PPFIA1: variants seen among roughly 807,000 people sequenced by gnomAD.
PPFIA1 encodes the protein liprin-alpha-1.
Under a neutral mutation model 149.9 loss-of-function variants are expected in PPFIA1, and 25 were observed. The observed-to-expected ratio is 0.17, with a 90% confidence interval of 0.12 to 0.23. The LOEUF (loss-of-function observed/expected upper bound fraction) is 0.23. Among genes scored for constraint, PPFIA1 ranks in the 10% least tolerant of loss-of-function variants. PPFIA1 has a pLI of 1.00. For missense variants in PPFIA1, 1,362 were observed against 1,506.5 expected, an observed-to-expected ratio of 0.90 and a Z score of 1.59; for synonymous variants, 549 against 552.8, an observed-to-expected ratio of 0.99 and a Z score of 0.10.
chr11:70,363,590 T>C (rs2056772092), intron 21 of PPFIA1, among the ~76,000 whole-genome samples: 1 of 152,162 alleles, frequency 6.6e-6, no homozygotes, highest in African/African-American at 2.4e-5. Context: ...CGTAGCTCAC[T>C]GCAGCCTCAA....
chr11:70,325,607 G>T lies in PPFIA1; in HGVS notation c.606+33G>T, dbSNP rs774615111. On this transcript the variant is annotated intron_variant, in intron 5 of 27. Coordinates refer to ENST00000253925, the MANE Select transcript of PPFIA1 (RefSeq NM_003626.5). ...TGAGACTTCATCATGAGTTGAATTG[G>T]GGGGGGGTTATTTTTATCCTTTAAT... 52 of 1,438,848 alleles carry T rather than the reference G, an allele frequency of 3.6e-5. No homozygotes were observed. The Admixed American group carries it at 4.2e-4, about 12-fold the overall frequency. 89.1% of individuals were successfully genotyped at this position (1,438,848 alleles called of 1,614,324 possible). A position where few individuals can be genotyped will look rare whatever the true frequency, so the allele number is the denominator to read the frequency against.
intron 2 of PPFIA1, among the ~76,000 whole-genome samples, chr11:70,301,083 G>A (rs892558930): frequency 5.3e-4 from 81 of 152,318 alleles, no homozygotes; most frequent in African/African-American, 1.9e-3. Flanking sequence ...ATACCTGTTA[G>A]AAGTTTTGGG....
intron 21 of PPFIA1, chr11:70,371,367 G>A: frequency 1.6e-5 from 1 of 62,730 alleles, no homozygotes; most frequent in African/African-American, 5.4e-5. Flanking sequence ...TCTGTTGTTG[G>A]GTAGAGTGTT....
intron 16 of PPFIA1, among the ~76,000 whole-genome samples, chr11:70,349,387 T>C (rs1231133871): frequency 6.6e-6 from 1 of 152,092 alleles, no homozygotes; most frequent in Non-Finnish European, 1.5e-5. Flanking sequence ...CCCAGCACTT[T>C]GGAGAGGCCA....
At chr11:70,311,434 G>A (rs1253240057) in intron 2 of PPFIA1, among the ~76,000 whole-genome samples, 2 of 152,170 alleles carry the variant, frequency 1.3e-5, no homozygotes, top group Non-Finnish European at 2.9e-5. Context: ...GCACACAACT[G>A]CTTTCTTCAA....
chr11:70,374,956 A>G lies in PPFIA1; in HGVS notation c.3178A>G (p.Ile1060Val), dbSNP rs761181753. The G allele has an allele frequency of 6.2e-7, 1 of 1,613,214 alleles. No homozygotes were observed. The highest frequency in any genetic ancestry group is 8.5e-7 in the Non-Finnish European group (1 of 1,179,778). The change falls in exon 24 of 28, where the codon ATC (isoleucine) becomes GTC (valine). Residue 1060 changes from isoleucine to valine, a missense_variant. Ile to Val is a conservative substitution (Grantham distance 29). Around this residue, in one of 7 missense-constraint regions of PPFIA1, gnomAD observed 349 missense variants for 373.3 expected, o/e 0.93. Transcript: ENST00000253925. ...GAGCAATGATCGAGTGATTCGCTGGATCCTGTCAATTGGCCTTAAAGAATA... is the reference window on the plus strand; with the variant it reads ...GAGCAATGATCGAGTGATTCGCTGGGTCCTGTCAATTGGCCTTAAAGAATA... ...VWSNDRVIRW[I>V]LSIGLKEYAN...
chr11:70,285,467 G>A (rs1033231253), intron 2 of PPFIA1, among the ~76,000 whole-genome samples: 1 of 151,968 alleles, frequency 6.6e-6, no homozygotes, highest in African/African-American at 2.4e-5. Flanking sequence ...AGATCACGAG[G>A]TCAGGAGTTC....
chr11:70,289,402 CTGATGATTTTGATTTCTAATAATAT>C (rs2051374569), intron 2 of PPFIA1, among the ~76,000 whole-genome samples: 4 of 152,128 alleles, frequency 2.6e-5, no homozygotes, highest in Admixed American at 6.5e-5. Flanking sequence ...ACAGCTTAAA[CTGATGATTTTGATTTCTAATAATAT>C]TAACATTGTT....
intron 2 of PPFIA1, among the ~76,000 whole-genome samples, chr11:70,301,325 A>G (rs1395707957): frequency 2.0e-5 from 3 of 152,210 alleles, no homozygotes; most frequent in Admixed American, 2.0e-4. Context: ...GAAGATGGAG[A>G]GAACTCAGCT....
chr11:70,361,364 T>C (rs757332903), intron 19 of PPFIA1, among the ~76,000 whole-genome samples: 3 of 152,158 alleles, frequency 2.0e-5, no homozygotes, highest in Non-Finnish European at 4.4e-5. Flanking sequence ...CTTCAAATCA[T>C]CTCTAGGTTC....
At chr11:70,321,829 G>A (rs892970287) in intron 2 of PPFIA1, among the ~76,000 whole-genome samples, 1 of 152,222 alleles carries the variant, frequency 6.6e-6, no homozygotes, top group Non-Finnish European at 1.5e-5. Flanking sequence ...AGCCGACTCT[G>A]TACTTTGACT....
intron 14 of PPFIA1, 92 bp from the exon 15 acceptor site, chr11:70,343,577 T>C (rs1281724611): frequency 8.6e-7 from 1 of 1,163,148 alleles, no homozygotes; most frequent in Admixed American, 2.1e-5. Flanking sequence ...TTTTGGGCTT[T>C]CATTAAAGAA....
At chr11:70,281,468 C>G (rs2050756614) in intron 2 of PPFIA1, among the ~76,000 whole-genome samples, 1 of 152,190 alleles carries the variant, frequency 6.6e-6, no homozygotes, top group African/African-American at 2.4e-5. Flanking sequence ...AGTTTTGTCT[C>G]CTTAACGCCA....
chr11:70,315,505 T>C (rs2053553876), intron 2 of PPFIA1, among the ~76,000 whole-genome samples: 1 of 152,056 alleles, frequency 6.6e-6, no homozygotes, highest in Non-Finnish European at 1.5e-5. Flanking sequence ...TAATTTTCTT[T>C]ATTTCAAATT....
At chr11:70,298,378 A>T (rs758796481) in intron 2 of PPFIA1, among the ~76,000 whole-genome samples, 2 of 152,214 alleles carry the variant, frequency 1.3e-5, no homozygotes, top group African/African-American at 4.8e-5. Flanking sequence ...TGTGCAAACC[A>T]TAGAAATACT....
At chr11:70,358,163 C>T (rs2056447592) in intron 19 of PPFIA1, 1 of 152,160 alleles carries the variant, frequency 6.6e-6, no homozygotes, top group Non-Finnish European at 1.5e-5. Context: ...CTATAGAGGG[C>T]AGTTTCGTTT....
chr11:70,309,644 A>C (rs1198895674), intron 2 of PPFIA1, among the ~76,000 whole-genome samples: 1 of 152,152 alleles, frequency 6.6e-6, no homozygotes, highest in East Asian at 1.9e-4. Context: ...AAAAAAAAAA[A>C]AGTTTTCCAA....
At chr11:70,287,022 T>C (rs573061920) in intron 2 of PPFIA1, among the ~76,000 whole-genome samples, 9 of 152,014 alleles carry the variant, frequency 5.9e-5, no homozygotes, top group Non-Finnish European at 1.3e-4. Context: ...TATATGTAAT[T>C]ATTATTATTT....
chr11:70,293,049 G>A (rs1043590303), intron 2 of PPFIA1, among the ~76,000 whole-genome samples: 2 of 152,206 alleles, frequency 1.3e-5, no homozygotes, highest in African/African-American at 2.4e-5. Context: ...GCCTGCCCAT[G>A]TGGCCTGCTG....
Sources: gnomAD v4.1 joint callset for allele counts (sites outside exome capture counted in the v4.1 genomes callset) on GRCh38, gnomAD v4.1.1 for gene constraint, gnomAD v4.1.1 regional missense constraint, MANE v1.5 for transcripts, NCBI Gene and HGNC (gene_info 2026-07-23, HGNC 2026-07-21) for gene names.